Variants in HERC2 observed in about 807,000 individuals in gnomAD.
HERC2 encodes E3 ubiquitin-protein ligase HERC2.
A neutral mutation model predicts 537.7 loss-of-function variants in HERC2; 102 were observed. The observed-to-expected ratio is 0.19, with a 90% CI of 0.16 to 0.22. The LOEUF (loss-of-function observed/expected upper bound fraction) is 0.22. Among genes scored for constraint, HERC2 ranks in the 10% least tolerant of loss-of-function variants. The pLI, the probability that HERC2 is intolerant of heterozygous loss-of-function variation, is 1.00. For synonymous variants in HERC2, 2,224 were observed against 2,466.2 expected, an observed-to-expected ratio of 0.90 and a Z score of 2.91; for missense variants, 4,236 against 6,198.2, an observed-to-expected ratio of 0.68 and a Z score of 10.63.
At chr15:28,133,179 G>C (rs1336010224) in intron 79 of HERC2, among the ~76,000 whole-genome samples, 1 of 151,328 alleles carries the variant, frequency 6.6e-6, no homozygotes. Flanking sequence ...TCCTAAAATA[G>C]TTACCATCTG....
At chr15:28,214,350 T>A (rs1274658864) in intron 40 of HERC2, 78 bp from the exon 41 acceptor site, 5 of 1,262,476 alleles carry the variant, frequency 4.0e-6, no homozygotes, top group Admixed American at 1.8e-5. Context: ...TACCCACCTC[T>A]AAGTGACGGC....
chr15:28,215,304 A>T (rs1213259837), intron 39 of HERC2, among the ~76,000 whole-genome samples: 3 of 152,236 alleles, frequency 2.0e-5, no homozygotes, highest in Non-Finnish European at 4.4e-5. Context: ...AAAAAAAGCA[A>T]CATTACAGAT....
At chr15:28,246,934 T>A (rs1191787060) in intron 21 of HERC2, 37 bp from the exon 22 acceptor site, 37 of 1,579,234 alleles carry the variant, frequency 2.3e-5, no homozygotes, top group Non-Finnish European at 2.9e-5. Context: ...TTTTCACTAC[T>A]AAAATTTTTC....
At chr15:28,123,439 G>A (rs1889140850) in intron 85 of HERC2, among the ~76,000 whole-genome samples, 1 of 152,192 alleles carries the variant, frequency 6.6e-6, no homozygotes, top group Non-Finnish European at 1.5e-5. Context: ...CTGCTTGCCA[G>A]AAACTAACCC....
At position 28,233,667 on chromosome 15, in the gene HERC2, A is replaced by C. The variant is rs752474472; in HGVS notation, c.4348T>G (p.Leu1450Val). ...LLCCLLKHED[L>V]GHVALSLVHA... ...ACACAGATATCGAGCTCCTTACCTA[A>C]ATCTTCATGTTTTAAGAGGCAACAT... Residue 1450 changes from leucine (L) to valine (V), a missense_variant, in exon 28 of 93, where the codon TTA becomes GTA. Coordinates refer to ENST00000261609, the MANE Select transcript of HERC2 (RefSeq NM_004667.6). 1.2e-6 allele frequency: 2 copies of C among 1,613,950 alleles called. No individual in the cohort carries two copies. Among genetic ancestry groups the C allele is most frequent in the South Asian group, 2.2e-5 (2 of 91,068 alleles).
chr15:28,240,206 C>T (rs1451960271), intron 23 of HERC2, among the ~76,000 whole-genome samples: 1 of 151,922 alleles, frequency 6.6e-6, no homozygotes, highest in Non-Finnish European at 1.5e-5. Context: ...ATCACAAGGT[C>T]AGGAGATGGA....
chr15:28,206,318 C>T lies in HERC2; in HGVS notation c.7134G>A (p.Met2378Ile). The change falls in exon 45 of 93, where the codon ATG becomes ATA. Residue 2378 changes from methionine (M) to isoleucine (I), a missense_variant. Physicochemically the swap from Met to Ile is conservative, Grantham distance 10. Around this residue, in one of 27 missense-constraint regions of HERC2, gnomAD observed 5 missense variants for 46.4 expected, o/e 0.11. Coordinates refer to ENST00000261609, the MANE Select transcript of HERC2 (RefSeq NM_004667.6). ...AGGCCAGCAGCTGCTGCAAGAGGAT[C>T]ATGGGGGGCTGCGGCCCTTCAGGAG... ...DMSPEGPQPP[M>I]ILLQQLLASA... 1 of 813,112 alleles carries T rather than the reference C, an allele frequency of 1.2e-6. No individual in the cohort carries two copies. The highest frequency in any genetic ancestry group is 2.1e-6 in the Non-Finnish European group (1 of 478,076). The allele number at this position is 813,112 out of a possible 1,614,324, so 50.4% of individuals were successfully genotyped here.
At chr15:28,216,212 T>A (rs1390365638) in intron 38 of HERC2, among the ~76,000 whole-genome samples, 1 of 152,192 alleles carries the variant, frequency 6.6e-6, no homozygotes, top group African/African-American at 2.4e-5. Flanking sequence ...CATCTATAAT[T>A]CAAATAACAG....
chr15:28,299,384 C>G lies in HERC2; in HGVS notation c.187+18G>C, dbSNP rs776514437. On this transcript the variant is annotated intron_variant, in intron 3 of 92. Transcript: ENST00000261609. ...AATGGTCTTTACCAAATAAAAAACA[C>G]TAGTTAAAGGCCCTTACCTTTTCTA... The G allele has an allele frequency of 1.6e-5, 17 of 1,059,322 alleles. No homozygotes were observed. Among genetic ancestry groups the G allele is most frequent in the Non-Finnish European group, 2.3e-5 (16 of 692,972 alleles). 65.6% of individuals were successfully genotyped at this position (1,059,322 alleles called of 1,614,324 possible).
intron 57 of HERC2, among the ~76,000 whole-genome samples, chr15:28,180,805 T>C (rs1895752527): frequency 6.6e-6 from 1 of 152,214 alleles, no homozygotes; most frequent in Non-Finnish European, 1.5e-5. Context: ...CAATGTAATA[T>C]AACAACTATT....
In HERC2 at chr15:28,163,074, C is replaced by T. The variant is rs1211003532; in HGVS notation, c.10746+20G>A. 1 of 1,595,188 alleles carries T rather than the reference C, an allele frequency of 6.3e-7. No individual in the cohort carries two copies. Among genetic ancestry groups the T allele is most frequent in the Admixed American group, 1.7e-5 (1 of 59,248 alleles). Reference sequence around the variant, plus strand: ...ATGGAGGAGGTGGAATCAGACGGCCCCGCCCTCCCTGAGACTCACCTGTGG... The same window carrying T: ...ATGGAGGAGGTGGAATCAGACGGCCTCGCCCTCCCTGAGACTCACCTGTGG... On this transcript the variant is annotated intron_variant, in intron 69 of 92. Coordinates refer to ENST00000261609, the MANE Select transcript of HERC2 (RefSeq NM_004667.6).
chr15:28,134,772 G>T (rs985655383), intron 79 of HERC2, among the ~76,000 whole-genome samples: 2 of 148,048 alleles, frequency 1.4e-5, no homozygotes, highest in Non-Finnish European at 3.0e-5. Context: ...GCGCAATCTC[G>T]GCTCACTGCA....
intron 7 of HERC2, among the ~76,000 whole-genome samples, chr15:28,273,676 T>C (rs980391115): frequency 6.6e-6 from 1 of 152,228 alleles, no homozygotes; most frequent in African/African-American, 2.4e-5. Context: ...GGCCTCCTGC[T>C]GGCTGCAAGA....
At chr15:28,151,180 T>C (rs1341985354) in intron 70 of HERC2, among the ~76,000 whole-genome samples, 1 of 152,234 alleles carries the variant, frequency 6.6e-6, no homozygotes, top group Admixed American at 6.5e-5. Context: ...AATGTGGTTA[T>C]GTAAAGCAAA....
At chr15:28,185,532 C>T (rs1282267829) in intron 56 of HERC2, among the ~76,000 whole-genome samples, 2 of 152,230 alleles carry the variant, frequency 1.3e-5, no homozygotes. Context: ...TTATTATCCA[C>T]TATTATCCAC....
At chr15:28,198,254 G>T in intron 50 of HERC2, 124 bp downstream of exon 50, 1 of 1,137,180 alleles carries the variant, frequency 8.8e-7, no homozygotes, top group Non-Finnish European at 1.3e-6. Flanking sequence ...GACAAGCAAA[G>T]GAACACTCTA....
chr15:28,201,706 A>G, intron 47 of HERC2, 152 bp from the exon 48 acceptor site: 1 of 640,216 alleles, frequency 1.6e-6, no homozygotes, highest in Non-Finnish European at 2.8e-6. Flanking sequence ...AAAGACTAAT[A>G]GCAGTAGCAT....
At chr15:28,245,372 C>G (rs1903556276) in intron 23 of HERC2, among the ~76,000 whole-genome samples, 1 of 151,736 alleles carries the variant, frequency 6.6e-6, no homozygotes, top group African/African-American at 2.4e-5. Context: ...CATGGTGAAA[C>G]CCCATCTCTA....
intron 83 of HERC2, among the ~76,000 whole-genome samples, chr15:28,129,063 C>T (rs1889817047): frequency 6.6e-6 from 1 of 152,178 alleles, no homozygotes; most frequent in South Asian, 2.1e-4. Flanking sequence ...CCAGAATAAT[C>T]TCCATATCAT....
Sources: gnomAD v4.1 joint callset for allele counts (sites outside exome capture counted in the v4.1 genomes callset) on GRCh38, gnomAD v4.1.1 for gene constraint, gnomAD v4.1.1 regional missense constraint, MANE v1.5 for transcripts, NCBI Gene and HGNC (gene_info 2026-07-23, HGNC 2026-07-21) for gene names.